The following LRRC8D variants were observed in gnomAD, a reference collection of about 807,000 sequenced individuals.
The protein encoded by LRRC8D is leucine rich repeat containing 8 VRAC subunit D, also known as volume-regulated anion channel subunit LRRC8D.
A neutral mutation model predicts 55.8 loss-of-function variants in LRRC8D; 20 were observed. The observed-to-expected ratio is 0.36, with a 90% CI of 0.25 to 0.52. The LOEUF is 0.52. Among genes scored for constraint, LRRC8D ranks in the 20% least tolerant of loss-of-function variants. The pLI is 0.93. For synonymous variants in LRRC8D, 352 were observed against 377.0 expected (o/e 0.93, Z 0.77); for missense variants, 651 against 1,030.8 (o/e 0.63, Z 5.05).
At chr1:89,851,295 C>T (rs1308555618) in intron 2 of LRRC8D, among the ~76,000 whole-genome samples, 1 of 152,088 alleles carries the variant, frequency 6.6e-6, no homozygotes, top group Non-Finnish European at 1.5e-5. Context: ...TCTTGAAAGT[C>T]TCTTAATTAC....
intron 1 of LRRC8D, among the ~76,000 whole-genome samples, chr1:89,841,475 A>C (rs1661133811): frequency 6.7e-6 from 1 of 148,500 alleles, no homozygotes; most frequent in East Asian, 2.1e-4. Context: ...TCATAGCAGC[A>C]TGCTACTGAC....
intron 2 of LRRC8D, among the ~76,000 whole-genome samples, chr1:89,872,897 C>T (rs1265298181): frequency 2.0e-5 from 3 of 152,154 alleles, no homozygotes; most frequent in South Asian, 2.1e-4. Context: ...TGCTTAATTT[C>T]CACATGTTTA....
chr1:89,935,095 T>C lies in LRRC8D; in HGVS notation c.2027T>C (p.Ile676Thr). 6.2e-7 allele frequency: 1 copy of C among 1,614,172 alleles called. No homozygotes were observed. Among genetic ancestry groups the C allele is most frequent in the Non-Finnish European group, 8.5e-7 (1 of 1,180,010 alleles). The change falls in exon 3 of 3, where the codon ATC (isoleucine) becomes ACC (threonine). Residue 676 changes from isoleucine (I) to threonine (T), a missense_variant. Transcript: ENST00000337338. The stretch of plus-strand genomic sequence containing the variant: ...AATAACATTCGCACAATTGAGGAAA[T>C]CATCAGTTTCCAGCATTTAAAACGA... ...KSNNIRTIEEIISFQHLKRLT... is the reference protein window; with the variant it reads ...KSNNIRTIEETISFQHLKRLT...
At chr1:89,825,612 T>C (rs1660744321) in intron 1 of LRRC8D, among the ~76,000 whole-genome samples, 1 of 152,238 alleles carries the variant, frequency 6.6e-6, no homozygotes, top group Non-Finnish European at 1.5e-5. Flanking sequence ...GACAGCCTTA[T>C]ATTTAGAGAA....
chr1:89,904,635 A>G (rs1048431783), intron 2 of LRRC8D, among the ~76,000 whole-genome samples: 2 of 152,192 alleles, frequency 1.3e-5, no homozygotes, highest in African/African-American at 4.8e-5. Flanking sequence ...CACAGGTATT[A>G]GGACCAGACT....
intron 2 of LRRC8D, among the ~76,000 whole-genome samples, chr1:89,917,191 T>C (rs1426073181): frequency 1.3e-5 from 2 of 152,196 alleles, no homozygotes; most frequent in African/African-American, 4.8e-5. Context: ...GTGCAAACTA[T>C]TTGCCCTAAT....
intron 2 of LRRC8D, among the ~76,000 whole-genome samples, chr1:89,884,939 T>G (rs774495058): frequency 3.3e-5 from 5 of 152,192 alleles, no homozygotes; most frequent in Non-Finnish European, 7.3e-5. Flanking sequence ...TCAGTCCCAC[T>G]GATATCATGC....
At chr1:89,896,949 A>G (rs1005189854) in intron 2 of LRRC8D, among the ~76,000 whole-genome samples, 2 of 152,336 alleles carry the variant, frequency 1.3e-5, no homozygotes, top group South Asian at 2.1e-4. Context: ...AATTGTCATA[A>G]TAATCCCTTT....
intron 2 of LRRC8D, among the ~76,000 whole-genome samples, chr1:89,891,388 G>A (rs1662577043): frequency 6.6e-6 from 1 of 152,194 alleles, no homozygotes; most frequent in African/African-American, 2.4e-5. Context: ...TACTGGTGGT[G>A]ATAACTGTGA....
At chr1:89,844,279 A>G (rs543510861) in intron 2 of LRRC8D, among the ~76,000 whole-genome samples, 1 of 152,304 alleles carries the variant, frequency 6.6e-6, no homozygotes, top group Admixed American at 6.5e-5. Context: ...GGAGAAAAGA[A>G]TCTTAGTGTC....
At chr1:89,919,059 A>G (rs981571555) in intron 2 of LRRC8D, among the ~76,000 whole-genome samples, 3 of 152,252 alleles carry the variant, frequency 2.0e-5, no homozygotes, top group African/African-American at 4.8e-5. Flanking sequence ...ACAGGGAGAC[A>G]GAACTGACAG....
chr1:89,831,878 A>G (rs75804432), intron 1 of LRRC8D, among the ~76,000 whole-genome samples: 2,647 of 152,340 alleles, frequency 0.017, 69 homozygotes, highest in African/African-American at 0.06. Context: ...AGTACAAAGC[A>G]TCATTTTTTT....
intron 2 of LRRC8D, among the ~76,000 whole-genome samples, chr1:89,920,993 C>T (rs1488188200): frequency 6.6e-6 from 1 of 152,148 alleles, no homozygotes. Context: ...CCCAGGTTGA[C>T]CAAGAGGGCT....
At chr1:89,847,505 A>G (rs1428596804) in intron 2 of LRRC8D, among the ~76,000 whole-genome samples, 1 of 152,198 alleles carries the variant, frequency 6.6e-6, no homozygotes, top group Non-Finnish European at 1.5e-5. Context: ...CCAGCCGTGC[A>G]TCTCTTCCAA....
chr1:89,863,560 GAGCTCATGGAAACCA>G (rs1203141259), intron 2 of LRRC8D, among the ~76,000 whole-genome samples: 1 of 151,910 alleles, frequency 6.6e-6, no homozygotes, highest in Non-Finnish European at 1.5e-5. Flanking sequence ...AGCTTTCAGA[GAGCTCATGGAAACCA>G]AGCCTGTTTA....
At chr1:89,898,488 T>G (rs1035485459) in intron 2 of LRRC8D, among the ~76,000 whole-genome samples, 1 of 152,214 alleles carries the variant, frequency 6.6e-6, no homozygotes, top group Non-Finnish European at 1.5e-5. Flanking sequence ...TCATTTGCTG[T>G]GGATCACATA....
chr1:89,893,058 T>C (rs1431041314), intron 2 of LRRC8D, among the ~76,000 whole-genome samples: 1 of 152,146 alleles, frequency 6.6e-6, no homozygotes, highest in Non-Finnish European at 1.5e-5. Flanking sequence ...GTGAACAAAA[T>C]AGACAGGATC....
chr1:89,859,445 T>C (rs1661644355), intron 2 of LRRC8D, among the ~76,000 whole-genome samples: 1 of 152,196 alleles, frequency 6.6e-6, no homozygotes, highest in Non-Finnish European at 1.5e-5. Flanking sequence ...CTTGTCGAAA[T>C]TGTTGTTATA....
chr1:89,890,119 G>A (rs1171035649), intron 2 of LRRC8D, among the ~76,000 whole-genome samples: 1 of 152,136 alleles, frequency 6.6e-6, no homozygotes, highest in South Asian at 2.1e-4. Flanking sequence ...ACCGGGAGGC[G>A]GAGCTTGGCA....
Sources: gnomAD v4.1 joint callset for allele counts (sites outside exome capture counted in the v4.1 genomes callset) on GRCh38, gnomAD v4.1.1 for gene constraint, MANE v1.5 for transcripts, NCBI Gene and HGNC (gene_info 2026-07-23, HGNC 2026-07-21) for gene names.